LRFN2: variants seen among roughly 807,000 people sequenced by gnomAD.
The protein encoded by LRFN2 is leucine-rich repeat and fibronectin type-III domain-containing protein 2.
A neutral mutation model predicts 37.3 loss-of-function variants in LRFN2; 18 were observed. The observed-to-expected ratio is 0.48, with a 90% CI of 0.33 to 0.72. The LOEUF (loss-of-function observed/expected upper bound fraction) is 0.72. Ranked by LOEUF, LRFN2 falls within the 30% of genes least tolerant of loss-of-function variation. The pLI, the probability that LRFN2 is intolerant of heterozygous loss-of-function variation, is 0.02. For synonymous variants in LRFN2, 556 were observed against 466.6 expected, an observed-to-expected ratio of 1.19 and a Z score of -2.47; for missense variants, 1,006 against 1,060.7, an observed-to-expected ratio of 0.95 and a Z score of 0.72.
intron 1 of LRFN2, among the ~76,000 whole-genome samples, chr6:40,452,116 C>T (rs187479590): frequency 5.9e-5 from 9 of 152,296 alleles, no homozygotes; most frequent in East Asian, 5.8e-4. Flanking sequence ...TAGTAGAAGA[C>T]TCTAGGAGGA....
chr6:40,518,253 C>T (rs1765941206), intron 1 of LRFN2, among the ~76,000 whole-genome samples: 1 of 152,160 alleles, frequency 6.6e-6, no homozygotes, highest in Non-Finnish European at 1.5e-5. Context: ...CTTATTTAAT[C>T]CTATGCTAAT....
intron 1 of LRFN2, among the ~76,000 whole-genome samples, chr6:40,580,743 T>A (rs1767382140): frequency 6.6e-6 from 1 of 152,208 alleles, no homozygotes; most frequent in Non-Finnish European, 1.5e-5. Context: ...GAGAAGCCAG[T>A]GCAGTGGAAA....
intron 1 of LRFN2, among the ~76,000 whole-genome samples, chr6:40,578,890 A>T (rs181604581): frequency 1.0e-3 from 155 of 152,310 alleles, no homozygotes; most frequent in African/African-American, 3.5e-3. Context: ...AATCCTACAA[A>T]TGCAGGCACA....
At chr6:40,430,269 C>T (rs1412767569) in intron 2 of LRFN2, among the ~76,000 whole-genome samples, 1 of 152,148 alleles carries the variant, frequency 6.6e-6, no homozygotes, top group Admixed American at 6.5e-5. Flanking sequence ...ACATACCCAC[C>T]CTCAGTCACA....
intron 1 of LRFN2, among the ~76,000 whole-genome samples, chr6:40,539,262 T>C (rs559601847): frequency 2.6e-5 from 4 of 152,290 alleles, no homozygotes; most frequent in East Asian, 1.9e-4. Context: ...ACCTTCCCTT[T>C]TGGGGGGTCA....
At chr6:40,408,825 T>C (rs1044661604) in intron 2 of LRFN2, among the ~76,000 whole-genome samples, 7 of 152,380 alleles carry the variant, frequency 4.6e-5, no homozygotes, top group Admixed American at 1.3e-4. Flanking sequence ...CACTTTGTCT[T>C]AGTTTCTTTG....
chr6:40,538,260 C>T (rs764206211), intron 1 of LRFN2, among the ~76,000 whole-genome samples: 2 of 152,120 alleles, frequency 1.3e-5, no homozygotes, highest in South Asian at 2.1e-4. Context: ...GATTGGGGCT[C>T]GGCGGAGTGA....
At chr6:40,493,883 C>G (rs9471358) in intron 1 of LRFN2, among the ~76,000 whole-genome samples, 2 of 152,202 alleles carry the variant, frequency 1.3e-5, no homozygotes, top group Admixed American at 6.5e-5. Context: ...TCTGGCCCAA[C>G]AAGGGCAGAC....
intron 1 of LRFN2, among the ~76,000 whole-genome samples, chr6:40,560,428 C>T (rs1039122601): frequency 6.6e-6 from 1 of 152,094 alleles, no homozygotes. Context: ...AATGATGGAC[C>T]GCACCATCAT....
intron 1 of LRFN2, among the ~76,000 whole-genome samples, chr6:40,533,774 G>C (rs1766396979): frequency 6.6e-6 from 1 of 152,170 alleles, no homozygotes; most frequent in Admixed American, 6.5e-5. Context: ...GGAAAGGAGG[G>C]ATTAAAAGCT....
chr6:40,543,973 A>G (rs780658395), intron 1 of LRFN2, among the ~76,000 whole-genome samples: 5 of 152,188 alleles, frequency 3.3e-5, no homozygotes, highest in Non-Finnish European at 7.3e-5. Context: ...TTGGGGAAGC[A>G]CCTGCTGACC....
intron 1 of LRFN2, among the ~76,000 whole-genome samples, chr6:40,558,737 A>C (rs978357326): frequency 1.7e-4 from 26 of 152,332 alleles, no homozygotes; most frequent in African/African-American, 5.1e-4. Flanking sequence ...TTTTGCAAGC[A>C]CTTTACTGAC....
intron 1 of LRFN2, among the ~76,000 whole-genome samples, chr6:40,553,295 G>A (rs1171658651): frequency 1.3e-5 from 2 of 152,140 alleles, no homozygotes; most frequent in Non-Finnish European, 2.9e-5. Flanking sequence ...GCAATAATGA[G>A]TTCAACACAA....
At chr6:40,547,450 C>G (rs1396505613) in intron 1 of LRFN2, among the ~76,000 whole-genome samples, 1 of 152,284 alleles carries the variant, frequency 6.6e-6, no homozygotes, top group African/African-American at 2.4e-5. Context: ...ACCATGGTGA[C>G]ACTCCTGCTT....
At chr6:40,397,437 A>G (rs1762639814) in intron 2 of LRFN2, among the ~76,000 whole-genome samples, 1 of 152,106 alleles carries the variant, frequency 6.6e-6, no homozygotes, top group Non-Finnish European at 1.5e-5. Context: ...GCACCACACC[A>G]TCTCTAGTGC....
Position 40,445,349 on chromosome 6 carries a change from C to T in LRFN2, c.-18-12218G>A, listed in dbSNP as rs534804277. 5.3e-5 allele frequency among the ~76,000 whole-genome samples: 8 copies of T among 152,296 alleles called. No homozygotes were observed. In the South Asian group the frequency reaches 6.2e-4, roughly 12 times the overall value. On this transcript the variant is annotated intron_variant, in intron 1 of 2. Transcript: ENST00000338305. Reference sequence around the variant, plus strand: ...TTATGACAAAAGGCAGAGTTGGAATCGCAGTCCAGGTATGTCCTACCCCCT... The same window carrying T: ...TTATGACAAAAGGCAGAGTTGGAATTGCAGTCCAGGTATGTCCTACCCCCT...
chr6:40,530,863 T>A (rs1430261639), intron 1 of LRFN2, among the ~76,000 whole-genome samples: 2 of 152,170 alleles, frequency 1.3e-5, no homozygotes, highest in Non-Finnish European at 2.9e-5. Context: ...CTGCTTCATA[T>A]GCTGCTTCTC....
chr6:40,479,928 T>A (rs1486381448), intron 1 of LRFN2, among the ~76,000 whole-genome samples: 1 of 152,242 alleles, frequency 6.6e-6, no homozygotes, highest in East Asian at 1.9e-4. Flanking sequence ...CCTGTTATTT[T>A]TTTCTAAGGC....
chr6:40,511,316 AGATG>A (rs1462825375), intron 1 of LRFN2, among the ~76,000 whole-genome samples: 1 of 152,206 alleles, frequency 6.6e-6, no homozygotes, highest in Non-Finnish European at 1.5e-5. Flanking sequence ...TTTGATTAGA[AGATG>A]GATGGTAATT....
Sources: allele counts gnomAD v4.1 joint callset (sites outside exome capture counted in the v4.1 genomes callset), GRCh38; gene constraint gnomAD v4.1.1; transcripts MANE v1.5; gene names NCBI Gene and HGNC (gene_info 2026-07-23, HGNC 2026-07-21).